Variants in PDE7B observed in about 807,000 individuals in gnomAD.
The protein encoded by PDE7B is phosphodiesterase 7B.
A neutral mutation model predicts 56.2 loss-of-function variants in PDE7B; 29 were observed. The ratio of observed to expected loss-of-function variants is 0.52; its 90% CI spans 0.38 to 0.70. The LOEUF is 0.70. Ranked by LOEUF, PDE7B falls within the 30% of genes least tolerant of loss-of-function variation. The pLI, the probability that PDE7B is intolerant of heterozygous loss-of-function variation, is 0.00. For missense variants in PDE7B, 490 were observed against 565.0 expected, an observed-to-expected ratio of 0.87 and a Z score of 1.35; for synonymous variants, 197 against 196.9, an observed-to-expected ratio of 1.00 and a Z score of 0.00.
chr6:136,106,975 A>AAATT (rs1282376402), intron 2 of PDE7B, among the ~76,000 whole-genome samples: 1 of 152,214 alleles, frequency 6.6e-6, no homozygotes, highest in Admixed American at 6.5e-5. Context: ...ATTTATCCAT[A>AAATT]AATTACAATA....
intron 2 of PDE7B, among the ~76,000 whole-genome samples, chr6:135,986,291 G>T (rs79786828): frequency 2.6e-5 from 4 of 152,144 alleles, no homozygotes; most frequent in African/African-American, 4.8e-5. Context: ...TCTCCTCTGA[G>T]TGGATTATGT....
intron 9 of PDE7B, among the ~76,000 whole-genome samples, chr6:136,177,923 T>C (rs563218825): frequency 2.0e-5 from 3 of 152,128 alleles, no homozygotes; most frequent in Non-Finnish European, 2.9e-5. Context: ...CAATGGAATT[T>C]TATACAGTGG....
At chr6:136,149,038 A>C in intron 4 of PDE7B, 49 bp from the exon 5 acceptor site, 1 of 1,272,084 alleles carries the variant, frequency 7.9e-7, no homozygotes, top group Non-Finnish European at 1.2e-6. Flanking sequence ...TAAATGTTTG[A>C]GTCTCCAGTG....
intron 2 of PDE7B, among the ~76,000 whole-genome samples, chr6:136,003,723 A>C (rs1438104710): frequency 2.0e-5 from 3 of 152,146 alleles, no homozygotes; most frequent in Admixed American, 6.6e-5. Flanking sequence ...GCTTACCAAC[A>C]AAAAATAGTC....
intron 2 of PDE7B, among the ~76,000 whole-genome samples, chr6:135,979,740 A>G (rs1385279326): frequency 6.6e-6 from 1 of 152,154 alleles, no homozygotes; most frequent in African/African-American, 2.4e-5. Flanking sequence ...CTTACAAGGG[A>G]TGTGAAGGAC....
chr6:135,852,748 T>C (rs1212708133), intron 1 of PDE7B, among the ~76,000 whole-genome samples: 1 of 152,230 alleles, frequency 6.6e-6, no homozygotes, highest in Non-Finnish European at 1.5e-5. Flanking sequence ...TTGCTAATTA[T>C]CTTTTCCTAC....
Position 136,031,929 on chromosome 6 carries a change from C to T in PDE7B, c.83-76802C>T, listed in dbSNP as rs115637101. 3.7e-3 allele frequency among the ~76,000 whole-genome samples: 558 copies of T among 152,252 alleles called. 3 individuals carry two copies. The highest frequency in any genetic ancestry group is 0.013 in the African/African-American group (524 of 41,558). ...TGAGTATGTCTGGATAATCTCTCCT[C>T]CACTCTCCCTGAGATCTTCTTAACC... On this transcript the variant is annotated intron_variant, in intron 2 of 12. Coordinates refer to ENST00000308191, the MANE Select transcript of PDE7B (RefSeq NM_018945.4).
At chr6:136,139,431 C>T (rs1316522851) in intron 3 of PDE7B, among the ~76,000 whole-genome samples, 8 of 152,128 alleles carry the variant, frequency 5.3e-5, no homozygotes, top group African/African-American at 1.4e-4. Flanking sequence ...AGTAAACATA[C>T]GTGTGCATGT....
At chr6:136,057,524 T>C (rs1776758924) in intron 2 of PDE7B, among the ~76,000 whole-genome samples, 1 of 152,216 alleles carries the variant, frequency 6.6e-6, no homozygotes, top group South Asian at 2.1e-4. Context: ...TTGTGTCAAA[T>C]TACATGCAAA....
At chr6:135,884,353 A>T (rs929887495) in intron 1 of PDE7B, among the ~76,000 whole-genome samples, 2 of 152,348 alleles carry the variant, frequency 1.3e-5, no homozygotes, top group African/African-American at 4.8e-5. Context: ...AGTACTTGGT[A>T]TCACAATGTG....
intron 1 of PDE7B, among the ~76,000 whole-genome samples, chr6:135,873,186 A>G (rs1366299231): frequency 1.3e-5 from 2 of 152,008 alleles, no homozygotes; most frequent in Admixed American, 6.6e-5. Context: ...TTGTTGTTTA[A>G]CTCCCTTCAC....
intron 2 of PDE7B, among the ~76,000 whole-genome samples, chr6:136,051,093 T>G (rs911443121): frequency 1.3e-5 from 2 of 151,904 alleles, no homozygotes; most frequent in Non-Finnish European, 2.9e-5. Context: ...TTGCAGAAAT[T>G]TTTTTTGTTT....
chr6:136,118,060 G>A (rs1332170810), intron 3 of PDE7B, among the ~76,000 whole-genome samples: 1 of 152,166 alleles, frequency 6.6e-6, no homozygotes, highest in Non-Finnish European at 1.5e-5. Flanking sequence ...GAGTAAATGA[G>A]ATAAATGTGT....
chr6:135,862,983 T>C (rs1360376138), intron 1 of PDE7B, among the ~76,000 whole-genome samples: 1 of 151,968 alleles, frequency 6.6e-6, no homozygotes, highest in Non-Finnish European at 1.5e-5. Flanking sequence ...GTTCTCTTTT[T>C]GTCTTTGTTT....
intron 2 of PDE7B, among the ~76,000 whole-genome samples, chr6:135,956,241 G>GA (rs1774791401): frequency 6.6e-6 from 1 of 152,170 alleles, no homozygotes; most frequent in Non-Finnish European, 1.5e-5. Flanking sequence ...TGGGCAGAAA[G>GA]ATAAAGGAAA....
intron 1 of PDE7B, among the ~76,000 whole-genome samples, chr6:135,945,385 A>G (rs1446944225): frequency 6.6e-6 from 1 of 152,130 alleles, no homozygotes; most frequent in African/African-American, 2.4e-5. Flanking sequence ...GCTCTTTTGC[A>G]CCCTTAATCT....
intron 1 of PDE7B, among the ~76,000 whole-genome samples, chr6:135,895,804 A>C (rs905597119): frequency 2.6e-5 from 4 of 152,112 alleles, no homozygotes. Flanking sequence ...AAAGGGAAAA[A>C]AGGCAGAAAG....
At chr6:136,076,612 G>C (rs1467991223) in intron 2 of PDE7B, among the ~76,000 whole-genome samples, 1 of 152,138 alleles carries the variant, frequency 6.6e-6, no homozygotes, top group East Asian at 1.9e-4. Flanking sequence ...AAGTCTTTAT[G>C]AGTTGCAGTT....
intron 2 of PDE7B, among the ~76,000 whole-genome samples, chr6:136,019,277 T>C (rs565876235): frequency 6.6e-6 from 1 of 152,316 alleles, no homozygotes; most frequent in South Asian, 2.1e-4. Context: ...AATTGCATTA[T>C]TTCATATAAG....
Sources: gnomAD v4.1 joint callset for allele counts (sites outside exome capture counted in the v4.1 genomes callset) on GRCh38, gnomAD v4.1.1 for gene constraint, MANE v1.5 for transcripts, NCBI Gene and HGNC (gene_info 2026-07-23, HGNC 2026-07-21) for gene names.